RPA2: variants seen among roughly 807,000 people sequenced by gnomAD.
RPA2 encodes replication protein A2.
In RPA2, 22 loss-of-function variants were observed where a neutral mutation model predicts 33.4. That is an observed-to-expected ratio of 0.66 (90% CI 0.47 to 0.94). The LOEUF is 0.94. RPA2 is among the 40% of genes least tolerant of loss of function. The pLI is 0.00. For synonymous variants in RPA2, 109 were observed against 114.9 expected, an observed-to-expected ratio of 0.95 and a Z score of 0.33; for missense variants, 279 against 329.9, an observed-to-expected ratio of 0.85 and a Z score of 1.19.
rs1207725139 is a variant in RPA2, at chr1:27,893,741, G to A, written c.728+271C>T. Among the ~76,000 whole-genome samples, 6 of 152,056 alleles carry A rather than the reference G, an allele frequency of 3.9e-5. No homozygotes were observed. In the South Asian group the frequency reaches 6.2e-4, roughly 16 times the overall value. On this transcript the variant is annotated intron_variant, in intron 8 of 8. Coordinates refer to ENST00000373912, the MANE Select transcript of RPA2 (RefSeq NM_002946.5). Reference sequence around the variant, plus strand: ...TCTTGCCTTAGCCTCCGGAGTGGCCGGGATTACAGTTGCGTGCCACCATGC... The same window carrying A: ...TCTTGCCTTAGCCTCCGGAGTGGCCAGGATTACAGTTGCGTGCCACCATGC...
chr1:27,898,333 G>T (rs1429933367), intron 4 of RPA2, among the ~76,000 whole-genome samples: 1 of 151,972 alleles, frequency 6.6e-6, no homozygotes. Context: ...TATATAATAG[G>T]ATACTCCACA....
intron 6 of RPA2, 89 bp from the exon 7 acceptor site, chr1:27,894,486 A>T: frequency 9.4e-7 from 1 of 1,058,228 alleles, no homozygotes; most frequent in Non-Finnish European, 1.4e-6. Context: ...GCAGCTTACA[A>T]AAAACAATTT....
At chr1:27,906,779 TC>T (rs1471050844) in intron 4 of RPA2, 148 bp downstream of exon 4, 2 of 587,978 alleles carry the variant, frequency 3.4e-6, no homozygotes, top group Admixed American at 3.2e-5. Flanking sequence ...AGGTATATAG[TC>T]AAATCTACTA....
At chr1:27,912,799 T>C (rs2090115284) in intron 2 of RPA2, among the ~76,000 whole-genome samples, 1 of 152,178 alleles carries the variant, frequency 6.6e-6, no homozygotes, top group South Asian at 2.1e-4. Context: ...TCTTTGTATA[T>C]AATATTAAGT....
chr1:27,909,358 G>A (rs758015998), intron 2 of RPA2, among the ~76,000 whole-genome samples: 1 of 152,122 alleles, frequency 6.6e-6, no homozygotes, highest in East Asian at 1.9e-4. Flanking sequence ...TCAGTCAACC[G>A]CTGGCACATA....
intron 7 of RPA2, 31 bp downstream of exon 7, chr1:27,894,259 G>GT (rs1557462688): frequency 2.5e-6 from 4 of 1,590,398 alleles, no homozygotes; most frequent in Non-Finnish European, 3.4e-6. Flanking sequence ...TCTGTGTTTT[G>GT]TATTTCTGAA....
rs2090072749 is a variant in RPA2, at chr1:27,909,590, T to C, written c.118-2308A>G. Among the ~76,000 whole-genome samples the C allele has an allele frequency of 2.6e-5, 4 of 152,048 alleles. No individual in the cohort carries two copies. In the South Asian group the frequency reaches 8.3e-4, roughly 32 times the overall value. On this transcript the variant is annotated intron_variant, in intron 2 of 8. Coordinates refer to ENST00000373912, the MANE Select transcript of RPA2 (RefSeq NM_002946.5). ...TTAGCCAGGTGTGGTGGCGCATGCC[T>C]GTAATCCCAGCTACTGGGGAGGCTG...
intron 2 of RPA2, among the ~76,000 whole-genome samples, chr1:27,912,930 C>T (rs192061304): frequency 7.2e-5 from 11 of 152,260 alleles, no homozygotes; most frequent in African/African-American, 1.4e-4. Flanking sequence ...AACGGCAGAA[C>T]ACACGTCTAT....
chr1:27,892,386 C>G, intron 8 of RPA2, 139 bp from the exon 9 acceptor site: 1 of 655,286 alleles, frequency 1.5e-6, no homozygotes, highest in Non-Finnish European at 2.7e-6. Flanking sequence ...GTATTCTGCA[C>G]ATAGAAAGCT....
rs748375829 is a variant in RPA2, at chr1:27,914,119, T to G, written c.61A>C (p.Thr21Pro). ...GATCCAAAGCCCCCCGGGGACTGCG[T>G]GTAGCCGCCGGCTCCCCCGTATGAG... ...SSSYGGAGGY[T>P]QSPGGFGSPA... The change falls in exon 2 of 9, where the codon ACG becomes CCG. Residue 21 changes from threonine (T) to proline (P), a missense_variant. Coordinates refer to ENST00000373912, the MANE Select transcript of RPA2 (RefSeq NM_002946.5). 1.2e-5 allele frequency: 20 copies of G among 1,611,218 alleles called. No homozygotes were observed. Among genetic ancestry groups the G allele is most frequent in the Non-Finnish European group, 1.6e-5 (19 of 1,179,244 alleles).
intron 5 of RPA2, 69 bp from the exon 6 acceptor site, chr1:27,897,190 C>T: frequency 1.9e-6 from 2 of 1,037,484 alleles, no homozygotes; most frequent in South Asian, 1.4e-5. Flanking sequence ...AACACTGTGG[C>T]TCTTTCCTTG....
intron 1 of RPA2, 79 bp from the exon 2 acceptor site, chr1:27,914,248 C>T (rs1322430909): frequency 6.3e-7 from 1 of 1,599,716 alleles, no homozygotes; most frequent in Non-Finnish European, 8.5e-7. Context: ...AGGCTTCGCC[C>T]CTTCAAACAC....
At chr1:27,902,700 T>C (rs2089982359) in intron 4 of RPA2, among the ~76,000 whole-genome samples, 1 of 152,000 alleles carries the variant, frequency 6.6e-6, no homozygotes. Flanking sequence ...TCCCAGCACT[T>C]TGGGAGGCTG....
At chr1:27,901,305 A>G (rs1025030279) in intron 4 of RPA2, among the ~76,000 whole-genome samples, 2 of 152,142 alleles carry the variant, frequency 1.3e-5, no homozygotes, top group Non-Finnish European at 1.5e-5. Flanking sequence ...CAAAAACATT[A>G]TGAATTGCTG....
At chr1:27,910,515 G>GAAAAAC (rs1273001332) in intron 2 of RPA2, among the ~76,000 whole-genome samples, 2 of 151,946 alleles carry the variant, frequency 1.3e-5, no homozygotes, top group Non-Finnish European at 2.9e-5. Flanking sequence ...CTTAATTTTG[G>GAAAAAC]AAAAACAAAA....
At position 27,907,286 on chromosome 1, in the gene RPA2, A is replaced by T. The variant is rs1210624926; in HGVS notation, c.118-4T>A. On this transcript the variant is annotated splice_polypyrimidine_tract_variant and splice_region_variant and intron_variant, in intron 2 of 8. Transcript: ENST00000373912. ...CAATGTGCTGGGCTCGGGCTCTCTGAAAAGAAAAAACATGCAAAATTCAAT... is the reference window on the plus strand; with the variant it reads ...CAATGTGCTGGGCTCGGGCTCTCTGTAAAGAAAAAACATGCAAAATTCAAT... 6.3e-7 allele frequency: 1 copy of T among 1,595,030 alleles called. No homozygotes were observed. The highest frequency in any genetic ancestry group is 8.5e-7 in the Non-Finnish European group (1 of 1,173,754).
chr1:27,896,714 A>T (rs1469176669), intron 6 of RPA2, among the ~76,000 whole-genome samples: 1 of 151,786 alleles, frequency 6.6e-6, no homozygotes, highest in Non-Finnish European at 1.5e-5. Flanking sequence ...TGGAGCTAAG[A>T]GCTATATAAG....
chr1:27,906,240 G>A (rs1328153450), intron 4 of RPA2, among the ~76,000 whole-genome samples: 1 of 152,070 alleles, frequency 6.6e-6, no homozygotes, highest in Admixed American at 6.6e-5. Context: ...GGTGGCGGGT[G>A]CCTGTAATCC....
chr1:27,894,007 C>G lies in RPA2; in HGVS notation c.728+5G>C. 1 of 1,605,972 alleles carries G rather than the reference C, an allele frequency of 6.2e-7. No individual in the cohort carries two copies. Among genetic ancestry groups the G allele is most frequent in the Non-Finnish European group, 8.5e-7 (1 of 1,172,494 alleles). ...AGCCTGAGCTCATGAAAATCAAATA[C>G]TTACTTGATTGAGGATACAGACATG... On this transcript the variant is annotated splice_donor_5th_base_variant and intron_variant, in intron 8 of 8. Coordinates refer to ENST00000373912, the MANE Select transcript of RPA2 (RefSeq NM_002946.5).
Sources: gnomAD v4.1 joint callset for allele counts (sites outside exome capture counted in the v4.1 genomes callset) on GRCh38, gnomAD v4.1.1 for gene constraint, MANE v1.5 for transcripts, NCBI Gene and HGNC (gene_info 2026-07-23, HGNC 2026-07-21) for gene names.